The following ZNF254 variants were observed in gnomAD, a reference collection of about 807,000 sequenced individuals.
ZNF254 encodes the protein CTD-2017D11.1.
ZNF254 carries 10 observed loss-of-function variants against 12.4 expected under a neutral mutation model. That is an observed-to-expected ratio of 0.80 (90% confidence interval 0.50 to 1.36). The LOEUF (loss-of-function observed/expected upper bound fraction) is 1.36. Among genes scored for constraint, ZNF254 ranks in the 40% most tolerant of loss-of-function variants. The pLI is 0.00. For missense variants in ZNF254, 996 were observed against 763.9 expected (o/e 1.30, Z -3.58); for synonymous variants, 305 against 253.4 (o/e 1.20, Z -1.93).
At chr19:24,062,076 ACT>A (rs1450685718) in intron 2 of ZNF254, among the ~76,000 whole-genome samples, 24 of 131,264 alleles carry the variant, frequency 1.8e-4, no homozygotes, top group African/African-American at 4.0e-4. Context: ...CAAGAGTGAA[ACT>A]CTGTCTCACA....
In ZNF254 at chr19:24,128,673, T is replaced by TACATTAA. The variant is rs1161379492; in HGVS notation, c.*695_*701dup. On this transcript the variant is annotated 3_prime_UTR_variant, in exon 4 of 4. Coordinates refer to ENST00000357002, the MANE Select transcript of ZNF254 (RefSeq NM_203282.4). ...TCATACTAAAATATATTTTTGCAGA[T>TACATTAA]ACATTAAATATGAAAGATATTCAAT... 1 of 152,094 alleles carries TACATTAA rather than the reference T, an allele frequency of 6.6e-6. No individual in the cohort carries two copies. The highest frequency in any genetic ancestry group is 1.5e-5 in the Non-Finnish European group (1 of 67,930). 9.4% of individuals were successfully genotyped at this position (152,094 alleles called of 1,614,324 possible).
rs1973353862 is a variant in ZNF254, at chr19:24,106,581, G to C, written c.191G>C (p.Cys64Ser). 3.8e-6 allele frequency: 6 copies of C among 1,584,058 alleles called. No individual in the cohort carries two copies. The highest frequency in any genetic ancestry group is 2.3e-5 in the East Asian group (1 of 43,300). The change falls in exon 3 of 4, where the codon TGT becomes TCT. Residue 64 changes from cysteine to serine, a missense_variant. Coordinates refer to ENST00000357002, the MANE Select transcript of ZNF254 (RefSeq NM_203282.4). ...IAVSKPDLIT[C>S]LEQGKEPWNM... ...GTCTCTAAGCCAGACCTGATCACCT[G>C]TCTGGAACAAGGGAAAGAGCCCTGG...
At chr19:24,041,458 G>T (rs1278728914) in intron 1 of ZNF254, among the ~76,000 whole-genome samples, 2 of 152,248 alleles carry the variant, frequency 1.3e-5, no homozygotes, top group African/African-American at 4.8e-5. Flanking sequence ...TAGCACCCGG[G>T]CTAGTGGCTG....
At chr19:24,046,836 T>A (rs181662357) in intron 2 of ZNF254, among the ~76,000 whole-genome samples, 10 of 151,920 alleles carry the variant, frequency 6.6e-5, no homozygotes, top group Non-Finnish European at 1.2e-4. Context: ...TTTTTTAGGT[T>A]CTATTTTTTT....
At chr19:24,044,950 G>A (rs946350189) in intron 1 of ZNF254, among the ~76,000 whole-genome samples, 13 of 152,184 alleles carry the variant, frequency 8.5e-5, no homozygotes, top group African/African-American at 2.4e-4. Flanking sequence ...CTATACATAC[G>A]TTGTCTCTGA....
intron 1 of ZNF254, among the ~76,000 whole-genome samples, chr19:24,090,108 G>C (rs1039529074): frequency 6.6e-6 from 1 of 151,866 alleles, no homozygotes; most frequent in Non-Finnish European, 1.5e-5. Context: ...TAAGGCAGGA[G>C]AATCAGTTGA....
intron 2 of ZNF254, among the ~76,000 whole-genome samples, chr19:24,059,033 C>G (rs1338205442): frequency 1.3e-5 from 2 of 152,198 alleles, no homozygotes; most frequent in African/African-American, 4.8e-5. Context: ...TAGGTTCCAC[C>G]TGCAGCAAAG....
At chr19:24,085,425 T>TATATATATATATATATATATATATAA (rs1419273967), upstream of ZNF254, among the ~76,000 whole-genome samples, 5 of 134,976 alleles carry the variant, frequency 3.7e-5, no homozygotes, top group Non-Finnish European at 6.3e-5. Context: ...TATATATATA[T>TATATATATATATATATATATATATAA]AAAAACTAAG....
At chr19:24,049,727 C>T (rs559831624) in intron 2 of ZNF254, among the ~76,000 whole-genome samples, 1 of 152,212 alleles carries the variant, frequency 6.6e-6, no homozygotes, top group East Asian at 1.9e-4. Context: ...TGTGCCCTGC[C>T]CATGTGGCCC....
At chr19:24,113,683 A>G (rs1973849640) in intron 3 of ZNF254, among the ~76,000 whole-genome samples, 1 of 152,204 alleles carries the variant, frequency 6.6e-6, no homozygotes, top group African/African-American at 2.4e-5. Context: ...TGTTCTGGCC[A>G]GGGCAATTAG....
At chr19:24,077,342 G>T (rs1971693911) in intron 2 of ZNF254, among the ~76,000 whole-genome samples, 2 of 152,110 alleles carry the variant, frequency 1.3e-5, no homozygotes, top group South Asian at 4.1e-4. Context: ...TGTGTCACAG[G>T]CTCCTACTTA....
At chr19:24,059,963 T>C (rs542381996) in intron 2 of ZNF254, among the ~76,000 whole-genome samples, 89 of 152,152 alleles carry the variant, frequency 5.8e-4, no homozygotes, top group African/African-American at 2.1e-3. Flanking sequence ...ATGTGACTCT[T>C]CTCTTCTACC....
intron 2 of ZNF254, chr19:24,065,746 T>C (rs1340925274): frequency 6.6e-6 from 1 of 152,198 alleles, no homozygotes; most frequent in Non-Finnish European, 1.5e-5. Context: ...TTGTCAATTA[T>C]TGCTGAATCC....
intron 1 of ZNF254, among the ~76,000 whole-genome samples, chr19:24,088,964 CTTTTTTTTTTTTTTTTTT>C (rs74175785): frequency 1.0e-5 from 1 of 99,288 alleles, no homozygotes; most frequent in African/African-American, 5.4e-5. Context: ...GCCAATTAAT[CTTTTTTTTTTTTTTTTTT>C]TTTTTTTTTT....
chr19:24,100,196 C>T (rs1972925628), intron 1 of ZNF254, among the ~76,000 whole-genome samples: 1 of 152,060 alleles, frequency 6.6e-6, no homozygotes, highest in Non-Finnish European at 1.5e-5. Flanking sequence ...GAAACTGATT[C>T]AGAGACCATG....
At chr19:24,035,340 T>A (rs548119665) in intron 1 of ZNF254, among the ~76,000 whole-genome samples, 6 of 152,232 alleles carry the variant, frequency 3.9e-5, no homozygotes, top group African/African-American at 1.4e-4. Flanking sequence ...GTTTTGTATT[T>A]TTAGTATAGG....
intron 3 of ZNF254, among the ~76,000 whole-genome samples, chr19:24,116,802 GT>G (rs577844486): frequency 6.5e-4 from 99 of 152,190 alleles, no homozygotes; most frequent in African/African-American, 2.3e-3. Context: ...TTTTTCTGCT[GT>G]TTTTTCCCCA....
At chr19:24,060,134 A>G (rs1347312057) in intron 2 of ZNF254, among the ~76,000 whole-genome samples, 2 of 152,268 alleles carry the variant, frequency 1.3e-5, no homozygotes, top group East Asian at 3.9e-4. Context: ...TACTTAGGCT[A>G]TTGTGAAGCT....
chr19:24,124,549 C>G (rs1450298193), intron 3 of ZNF254, among the ~76,000 whole-genome samples: 1 of 151,954 alleles, frequency 6.6e-6, no homozygotes, highest in East Asian at 1.9e-4. Flanking sequence ...TTCCAATATA[C>G]TTTTTTAGAA....
Sources: allele counts gnomAD v4.1 joint callset (sites outside exome capture counted in the v4.1 genomes callset), GRCh38; gene constraint gnomAD v4.1.1; transcripts MANE v1.5; gene names NCBI Gene and HGNC (gene_info 2026-07-23, HGNC 2026-07-21).